Variants in CHLSN observed in about 807,000 individuals in gnomAD.
CHLSN encodes protein cholesin.
At chr7:981,264 C>G in the CHLSN span, among the ~76,000 whole-genome samples, 3 of 147,730 alleles carry the variant, frequency 2.0e-5, no homozygotes, top group Non-Finnish European at 4.5e-5. Flanking sequence ...CCACTGCACT[C>G]TAGCCTGGAT....
the CHLSN span, among the ~76,000 whole-genome samples, chr7:1,103,621 A>G: frequency 2.6e-5 from 4 of 152,240 alleles, no homozygotes; most frequent in African/African-American, 9.6e-5. Context: ...CCACGCTTTC[A>G]TTATGATCAA....
the CHLSN span, among the ~76,000 whole-genome samples, chr7:1,053,355 A>G: frequency 9.2e-5 from 14 of 152,244 alleles, no homozygotes; most frequent in African/African-American, 3.4e-4. Context: ...TGCGCAGGAC[A>G]GGACCCCGGC....
At chr7:997,460 G>C in the CHLSN span, 8 of 586,174 alleles carry the variant, frequency 1.4e-5, no homozygotes, top group South Asian at 2.0e-4. Flanking sequence ...GCCCTTGCGA[G>C]GCTCTGGTGC....
chr7:1,010,093 T>C, the CHLSN span: 3 of 1,612,828 alleles, frequency 1.9e-6, no homozygotes, highest in Non-Finnish European at 1.7e-6. Context: ...TCTGCTCCTC[T>C]GGGGACAGCT....
At chr7:1,063,628 C>G in the CHLSN span, among the ~76,000 whole-genome samples, 1 of 152,250 alleles carries the variant, frequency 6.6e-6, no homozygotes, top group Admixed American at 6.5e-5. Context: ...GCCGCGCACG[C>G]TCACCAAGTG....
chr7:1,095,879 G>A, the CHLSN span, among the ~76,000 whole-genome samples: 5 of 152,230 alleles, frequency 3.3e-5, no homozygotes, highest in African/African-American at 4.8e-5. Flanking sequence ...CATGGGCATC[G>A]AGGGGTCACC....
At chr7:988,677 T>G in the CHLSN span, 1 of 1,600,246 alleles carries the variant, frequency 6.2e-7, no homozygotes. Flanking sequence ...AGGACCGAGC[T>G]CTTCCTGCTG....
chr7:981,708 G>A, the CHLSN span, among the ~76,000 whole-genome samples: 6 of 151,780 alleles, frequency 4.0e-5, no homozygotes, highest in African/African-American at 9.7e-5. Context: ...GTGAGATTCC[G>A]TCTCAAAAAC....
the CHLSN span, among the ~76,000 whole-genome samples, chr7:1,040,185 A>T: frequency 7.0e-5 from 3 of 42,606 alleles, no homozygotes; most frequent in Admixed American, 5.4e-4. Flanking sequence ...AATAAATTTA[A>T]AAAAAAAAAA....
At chr7:1,050,475 A>G in the CHLSN span, among the ~76,000 whole-genome samples, 2 of 152,150 alleles carry the variant, frequency 1.3e-5, no homozygotes, top group Non-Finnish European at 2.9e-5. Flanking sequence ...GGAGTCTGGC[A>G]CTTTTTGGCT....
the CHLSN span, among the ~76,000 whole-genome samples, chr7:1,085,373 C>T: frequency 1.3e-5 from 2 of 152,294 alleles, no homozygotes; most frequent in African/African-American, 4.8e-5. Flanking sequence ...CAGGCCGAGA[C>T]CATGTGCTCA....
chr7:1,068,238 C>T, the CHLSN span, among the ~76,000 whole-genome samples: 1 of 152,162 alleles, frequency 6.6e-6, no homozygotes, highest in Non-Finnish European at 1.5e-5. Flanking sequence ...CCAGTTTCCC[C>T]TCGTGGTGCT....
chr7:992,203 G>C, the CHLSN span, among the ~76,000 whole-genome samples: 2 of 152,186 alleles, frequency 1.3e-5, no homozygotes, highest in Non-Finnish European at 2.9e-5. Flanking sequence ...CCCGCCTCTA[G>C]GTCTCCAGGG....
chr7:994,441 G>A, the CHLSN span, among the ~76,000 whole-genome samples: 3 of 151,890 alleles, frequency 2.0e-5, no homozygotes, highest in Admixed American at 6.6e-5. Flanking sequence ...GATTACAGGC[G>A]TGAGCCACTA....
At chr7:1,074,431 A>G in the CHLSN span, 1 of 150,312 alleles carries the variant, frequency 6.7e-6, no homozygotes. Flanking sequence ...CAATTTCCTC[A>G]TCTACAAAAG....
chr7:1,109,633 CGT>C, the CHLSN span, among the ~76,000 whole-genome samples: 1 of 152,122 alleles, frequency 6.6e-6, no homozygotes, highest in South Asian at 2.1e-4. Flanking sequence ...CTCACCTCTG[CGT>C]GGGCGACGGA....
chr7:1,081,191 A>G, the CHLSN span, among the ~76,000 whole-genome samples: 1 of 152,226 alleles, frequency 6.6e-6, no homozygotes, highest in Non-Finnish European at 1.5e-5. Context: ...GGTGCCGGGC[A>G]GTGCCGCTGG....
At chr7:998,725 C>T in the CHLSN span, among the ~76,000 whole-genome samples, 2 of 152,132 alleles carry the variant, frequency 1.3e-5, no homozygotes, top group Admixed American at 6.5e-5. Context: ...GGATTACAGG[C>T]GTGAGCCACC....
chr7:988,272 C>T, the CHLSN span: 1 of 1,575,722 alleles, frequency 6.3e-7, no homozygotes, highest in East Asian at 2.3e-5. Context: ...CGGCTGCCCC[C>T]ACAGGGCACG....
Sources: gnomAD v4.1 joint callset for allele counts (sites outside exome capture counted in the v4.1 genomes callset) on GRCh38, gnomAD v4.1.1 for gene constraint, MANE v1.5 for transcripts, NCBI Gene and HGNC (gene_info 2026-07-23, HGNC 2026-07-21) for gene names.